The following KCTD1 variants were observed in gnomAD, a reference collection of about 807,000 sequenced individuals.
KCTD1 encodes BTB/POZ domain-containing protein KCTD1.
A neutral mutation model predicts 66.0 loss-of-function variants in KCTD1; 24 were observed. The observed-to-expected ratio is 0.36, with a 90% CI of 0.26 to 0.51. The LOEUF (loss-of-function observed/expected upper bound fraction) is 0.51. Ranked by LOEUF, KCTD1 falls within the 20% of genes least tolerant of loss-of-function variation. KCTD1 has a pLI of 0.95. For missense variants in KCTD1, 943 were observed against 1,205.2 expected (o/e 0.78, Z 3.22); for synonymous variants, 511 against 517.2 (o/e 0.99, Z 0.16).
intron 1 of KCTD1, among the ~76,000 whole-genome samples, chr18:26,558,782 G>T (rs766117792): frequency 2.1e-4 from 32 of 152,052 alleles, no homozygotes; most frequent in Non-Finnish European, 3.5e-4. Flanking sequence ...AATTAGCTGG[G>T]CATGGTGGCA....
chr18:26,657,287 A>T (rs913515751), intron 1 of KCTD1: 1 of 975,406 alleles, frequency 1.0e-6, no homozygotes, highest in Non-Finnish European at 1.2e-6. Context: ...CATGCGTAAA[A>T]GCGAGTTGCG....
At position 26,599,130 on chromosome 18, in the gene KCTD1, CTTAGAA is replaced by C. The variant is rs2144965970; in HGVS notation, c.-16+30011_-16+30016del. Among the ~76,000 whole-genome samples the C allele has an allele frequency of 1.3e-5, 2 of 152,242 alleles. 1 individual carries two copies. Among genetic ancestry groups the C allele is most frequent in the South Asian group, 4.1e-4 (2 of 4,824 alleles). On this transcript the variant is annotated intron_variant, in intron 1 of 4. Transcript: ENST00000317932. ...TTCTAAGAGTTTTACTATCTTAGCT[CTTAGAA>C]TTAGTTATGATCTTTTTTTGTATGT...
At chr18:26,482,953 G>C (rs746962758) in intron 2 of KCTD1, among the ~76,000 whole-genome samples, 21 of 152,304 alleles carry the variant, frequency 1.4e-4, no homozygotes, top group Admixed American at 5.2e-4. Flanking sequence ...GCTCTCCTTT[G>C]CCAAGAAATG....
At chr18:26,494,808 T>A (rs984971398) in intron 2 of KCTD1, among the ~76,000 whole-genome samples, 2 of 152,188 alleles carry the variant, frequency 1.3e-5, no homozygotes, top group African/African-American at 4.8e-5. Context: ...AAACTAACTT[T>A]TTTTTTTCAA....
At chr18:26,484,602 G>A (rs1001126675) in intron 2 of KCTD1, among the ~76,000 whole-genome samples, 3 of 152,174 alleles carry the variant, frequency 2.0e-5, no homozygotes, top group Non-Finnish European at 4.4e-5. Flanking sequence ...ACTATGAAAA[G>A]TACTATTACA....
chr18:26,456,386 T>C (rs1481635150), intron 4 of KCTD1: 1 of 152,558 alleles, frequency 6.6e-6, no homozygotes, highest in Non-Finnish European at 1.5e-5. Flanking sequence ...AGTGATTCAT[T>C]TGTACTCTCA....
intron 2 of KCTD1, among the ~76,000 whole-genome samples, chr18:26,481,452 C>G (rs1458762434): frequency 6.6e-6 from 1 of 152,176 alleles, no homozygotes; most frequent in Non-Finnish European, 1.5e-5. Context: ...TGATTACTCT[C>G]TATTGGGGTG....
At chr18:26,646,372 T>A (rs894325366) in intron 1 of KCTD1, among the ~76,000 whole-genome samples, 6 of 152,162 alleles carry the variant, frequency 3.9e-5, no homozygotes, top group Admixed American at 3.3e-4. Context: ...AAAGTAATTA[T>A]GAGGCCAAAA....
rs370333811 is a variant in KCTD1 at position 26,599,453 on chromosome 18, G to A, written c.-16+29694C>T. 3.7e-5 allele frequency: 59 copies of A among 1,611,856 alleles called. No individual in the cohort carries two copies. In the African/African-American group the frequency reaches 7.1e-4, roughly 19 times the overall value. ...CTGGCCAGTTTGTGGCAGTGGTCTGGGATAAGTCATCCCCAGTGGAGGCTC... is the reference window on the plus strand; with the variant it reads ...CTGGCCAGTTTGTGGCAGTGGTCTGAGATAAGTCATCCCCAGTGGAGGCTC... On this transcript the variant is annotated intron_variant, in intron 1 of 4. Transcript: ENST00000317932.
intron 1 of KCTD1, chr18:26,629,022 AG>A: frequency 1.4e-5 from 3 of 217,792 alleles, no homozygotes; most frequent in Non-Finnish European, 2.3e-5. Context: ...AGATTTTTAC[AG>A]TCTCAGGGAG....
chr18:26,625,817 A>G (rs1987486593), intron 1 of KCTD1, among the ~76,000 whole-genome samples: 1 of 152,138 alleles, frequency 6.6e-6, no homozygotes, highest in South Asian at 2.1e-4. Flanking sequence ...CCTTCCTAAC[A>G]GGATCCAGCA....
chr18:26,512,480 C>T (rs1039415990), intron 1 of KCTD1, among the ~76,000 whole-genome samples: 7 of 151,920 alleles, frequency 4.6e-5, no homozygotes, highest in Admixed American at 1.3e-4. Context: ...CAGGTTTATA[C>T]GTACATGACT....
At chr18:26,507,604 T>C (rs1167148299) in intron 1 of KCTD1, among the ~76,000 whole-genome samples, 1 of 152,174 alleles carries the variant, frequency 6.6e-6, no homozygotes, top group Non-Finnish European at 1.5e-5. Flanking sequence ...CTTGAACTCC[T>C]GGCCTCAAGT....
At chr18:26,588,419 C>T (rs472075) in intron 1 of KCTD1, among the ~76,000 whole-genome samples, 32,277 of 152,040 alleles carry the variant, frequency 0.21, 3,552 homozygotes, top group East Asian at 0.33. Context: ...CCCTGGACCA[C>T]ACAGTGAGAA....
intron 1 of KCTD1, among the ~76,000 whole-genome samples, chr18:26,534,897 C>A (rs1007851420): frequency 2.6e-5 from 4 of 152,134 alleles, no homozygotes; most frequent in African/African-American, 9.7e-5. Flanking sequence ...CCTCATTTTC[C>A]CTTTTACTCT....
At chr18:26,632,044 C>T (rs148597137), upstream of KCTD1, among the ~76,000 whole-genome samples, 2,879 of 150,422 alleles carry the variant, frequency 0.019, 50 homozygotes, top group Middle Eastern at 0.031. Flanking sequence ...AGTGAGACTC[C>T]GTCTCAAAAC....
intron 1 of KCTD1, among the ~76,000 whole-genome samples, chr18:26,647,331 A>ACCG (rs1555649517): frequency 2.7e-4 from 32 of 116,460 alleles, no homozygotes; most frequent in African/African-American, 8.9e-4. Context: ...AGATAGTGAA[A>ACCG]CCCCCCCCCC....
At chr18:26,564,815 G>C (rs1248394026) in intron 1 of KCTD1, among the ~76,000 whole-genome samples, 1 of 151,936 alleles carries the variant, frequency 6.6e-6, no homozygotes, top group African/African-American at 2.4e-5. Context: ...CTTGAACCCG[G>C]GAGGCAGAGG....
chr18:26,518,842 A>G (rs996499625), intron 1 of KCTD1, among the ~76,000 whole-genome samples: 29 of 152,188 alleles, frequency 1.9e-4, no homozygotes, highest in African/African-American at 6.0e-4. Context: ...TGCACCAGCC[A>G]TCCTTATCTC....
Sources: gnomAD v4.1 joint callset for allele counts (sites outside exome capture counted in the v4.1 genomes callset) on GRCh38, gnomAD v4.1.1 for gene constraint, MANE v1.5 for transcripts, NCBI Gene and HGNC (gene_info 2026-07-23, HGNC 2026-07-21) for gene names.